The following PLXNA4 variants were observed in gnomAD, a reference collection of about 807,000 sequenced individuals.
The protein encoded by PLXNA4 is plexin-A4.
A neutral mutation model predicts 191.8 loss-of-function variants in PLXNA4; 44 were observed. That is an observed-to-expected ratio of 0.23 (90% CI 0.18 to 0.29). PLXNA4 has a LOEUF of 0.29. PLXNA4 is among the 10% of genes least tolerant of loss of function. PLXNA4 has a pLI of 1.00. For missense variants in PLXNA4, 1,800 were observed against 2,488.8 expected (o/e 0.72, Z 5.89); for synonymous variants, 1,082 against 1,009.5 (o/e 1.07, Z -1.36).
At chr7:132,186,372 C>T (rs1332125978) in intron 15 of PLXNA4, among the ~76,000 whole-genome samples, 1 of 152,170 alleles carries the variant, frequency 6.6e-6, no homozygotes, top group Non-Finnish European at 1.5e-5. Context: ...ATCTGACCCT[C>T]GTGAATGGGC....
At position 132,181,506 on chromosome 7, in the gene PLXNA4, C is replaced by T; in HGVS notation, c.3367G>A (p.Asp1123Asn). ...ERPEEFGFIL[D>N]NVQSLLILNK... ...AGGATGAGCAGGGACTGGACGTTGT[C>T]CAGGATGAAGCCAAACTCCTCGGGC... The change falls in exon 18 of 32, where the codon GAC becomes AAC. Residue 1123 changes from aspartate (D) to asparagine (N), a missense_variant. Physicochemically the swap from Asp to Asn is conservative, Grantham distance 23 (BLOSUM62 1). Transcript: ENST00000321063. 1 of 1,614,088 alleles carries T rather than the reference C, an allele frequency of 6.2e-7. No homozygotes were observed. Among genetic ancestry groups the T allele is most frequent in the Non-Finnish European group, 8.5e-7 (1 of 1,180,036 alleles).
In PLXNA4 at chr7:132,508,412, C is replaced by T. The variant is rs769822115; in HGVS notation, c.282G>A (p.Lys94=). 8.1e-6 allele frequency: 13 copies of T among 1,614,094 alleles called. No individual in the cohort carries two copies. The highest frequency in any genetic ancestry group is 4.5e-5 in the East Asian group (2 of 44,892). The change falls in exon 2 of 32, where the codon AAG becomes AAA. Residue 94 remains lysine, a synonymous_variant. Coordinates refer to ENST00000321063, the MANE Select transcript of PLXNA4 (RefSeq NM_020911.2). This position sits in a 1 kb window ranked among gnomAD's most constrained non-coding sequence, Gnocchi z 4.4. ...HETGPDEDNP[K]CYPPRIVQTC... is the part of the protein sequence containing the mutation. ...TCTGGACGATGCGGGGTGGGTAACA[C>T]TTGGGGTTGTCCTCGTCCGGCCCTG... is the stretch of plus-strand genomic sequence containing the variant.
intron 3 of PLXNA4, among the ~76,000 whole-genome samples, chr7:132,358,920 T>A (rs1375641473): frequency 1.3e-5 from 2 of 152,088 alleles, no homozygotes; most frequent in Non-Finnish European, 2.9e-5. Flanking sequence ...GCAGGCTACA[T>A]AAGGGGCACT....
In PLXNA4 at chr7:132,187,589, G is replaced by T. The variant is rs764897990; in HGVS notation, c.2875C>A (p.Leu959Met). The T allele has an allele frequency of 4.0e-5, 64 of 1,613,360 alleles. No individual in the cohort carries two copies. The highest frequency in any genetic ancestry group is 5.2e-5 in the Non-Finnish European group (61 of 1,179,710). Residue 959 changes from leucine (L) to methionine (M), a missense_variant, in exon 15 of 32, where the codon CTG becomes ATG. Physicochemically the swap from Leu to Met is conservative, Grantham distance 15. Transcript: ENST00000321063. ...YYFMTLTLSDLKPSRGPMSGG... is the reference protein window; with the variant it reads ...YYFMTLTLSDMKPSRGPMSGG... Reference sequence around the variant, plus strand: ...GACATGGGCCCCCGGCTGGGCTTCAGATCTGAGAGAGTCAGTGTCTGTGTA... The same window carrying T: ...GACATGGGCCCCCGGCTGGGCTTCATATCTGAGAGAGTCAGTGTCTGTGTA...
At chr7:132,330,229 G>A (rs908977005) in intron 3 of PLXNA4, among the ~76,000 whole-genome samples, 2 of 152,204 alleles carry the variant, frequency 1.3e-5, no homozygotes, top group African/African-American at 4.8e-5. Context: ...AATTTGGCTG[G>A]AGCTGAGTAG....
chr7:132,604,537 T>G (rs1802886924), intron 2 of PLXNA4, among the ~76,000 whole-genome samples: 1 of 152,136 alleles, frequency 6.6e-6, no homozygotes, highest in Non-Finnish European at 1.5e-5. Flanking sequence ...GTCTTAATAA[T>G]CTGGTAAACA....
intron 13 of PLXNA4, among the ~76,000 whole-genome samples, chr7:132,194,696 T>C (rs1584825592): frequency 6.6e-6 from 1 of 152,140 alleles, no homozygotes. Context: ...AGGGGATAAT[T>C]GAGTGTGTGT....
chr7:132,628,551 TG>T (rs1230558642), intron 2 of PLXNA4, among the ~76,000 whole-genome samples: 2 of 151,946 alleles, frequency 1.3e-5, no homozygotes, highest in Non-Finnish European at 2.9e-5. Flanking sequence ...TTTCTAAAAA[TG>T]TCCTCTCTCT....
At chr7:132,599,746 G>A (rs764046800) in intron 2 of PLXNA4, among the ~76,000 whole-genome samples, 2 of 150,942 alleles carry the variant, frequency 1.3e-5, no homozygotes, top group Non-Finnish European at 2.9e-5. Context: ...CACTGATAAC[G>A]GCCGTCTTAT....
chr7:132,332,340 C>T (rs1802620940), intron 3 of PLXNA4, among the ~76,000 whole-genome samples: 1 of 152,190 alleles, frequency 6.6e-6, no homozygotes, highest in African/African-American at 2.4e-5. Context: ...TCTTCTCCCC[C>T]ACTGTCCTTT....
intron 3 of PLXNA4, among the ~76,000 whole-genome samples, chr7:132,427,048 T>C (rs954397499): frequency 4.6e-5 from 7 of 152,152 alleles, no homozygotes; most frequent in Admixed American, 4.6e-4. Context: ...TCCCCAGAAC[T>C]AGTCAGTGAC....
At chr7:132,188,887 C>G (rs1796965658) in intron 14 of PLXNA4, among the ~76,000 whole-genome samples, 1 of 150,044 alleles carries the variant, frequency 6.7e-6, no homozygotes, top group Non-Finnish European at 1.5e-5. Context: ...TGTTCTGTAA[C>G]TTGCAGTACC....
At chr7:132,281,078 C>T (rs985706615) in intron 4 of PLXNA4, among the ~76,000 whole-genome samples, 1 of 152,108 alleles carries the variant, frequency 6.6e-6, no homozygotes, top group African/African-American at 2.4e-5. Flanking sequence ...AAACATTTTA[C>T]TATCACCAAG....
chr7:132,436,995 C>T (rs111549049), intron 3 of PLXNA4, among the ~76,000 whole-genome samples: 1,682 of 152,280 alleles, frequency 0.011, 18 homozygotes, highest in Middle Eastern at 0.024. Context: ...TGCTGCAATG[C>T]CCTACAGATG....
chr7:132,204,161 G>T (rs1413821136), intron 10 of PLXNA4, among the ~76,000 whole-genome samples: 1 of 152,202 alleles, frequency 6.6e-6, no homozygotes, highest in Non-Finnish European at 1.5e-5. Flanking sequence ...GTCCTCGGAG[G>T]GCTCCTCAGG....
Position 132,455,079 on chromosome 7 carries a change from C to T in PLXNA4, c.1371+34213G>A, listed in dbSNP as rs576080265. Among the ~76,000 whole-genome samples the T allele has an allele frequency of 7.3e-4, 111 of 152,286 alleles. 1 individual carries two copies. Among genetic ancestry groups the T allele is most frequent in the Non-Finnish European group, 1.4e-3 (95 of 68,034 alleles). On this transcript the variant is annotated intron_variant, in intron 3 of 31. Coordinates refer to ENST00000321063, the MANE Select transcript of PLXNA4 (RefSeq NM_020911.2). ...CACCCTGACTGAGGAGGTTGGGAGA[C>T]GTCTGGGAAACAGGCAGCCCCGGCT...
At chr7:132,423,395 C>G (rs1794919706) in intron 3 of PLXNA4, among the ~76,000 whole-genome samples, 1 of 152,190 alleles carries the variant, frequency 6.6e-6, no homozygotes, top group African/African-American at 2.4e-5. Flanking sequence ...TTCTGTCCTC[C>G]CTCAGGGCTC....
chr7:132,258,825 C>T (rs546314459), intron 4 of PLXNA4, among the ~76,000 whole-genome samples: 1 of 152,292 alleles, frequency 6.6e-6, no homozygotes, highest in Non-Finnish European at 1.5e-5. Flanking sequence ...ACTTAGTTGC[C>T]TAATCCAAAC....
At chr7:132,563,443 T>C (rs574216051) in intron 1 of PLXNA4, among the ~76,000 whole-genome samples, 1 of 90,024 alleles carries the variant, frequency 1.1e-5, no homozygotes, top group Non-Finnish European at 2.1e-5. Context: ...CTCCTCCTCT[T>C]CCTCCTCCTC....
Sources: gnomAD v4.1 joint callset for allele counts (sites outside exome capture counted in the v4.1 genomes callset) on GRCh38, gnomAD v4.1.1 for gene constraint, Gnocchi (gnomAD v3.1) non-coding constraint, MANE v1.5 for transcripts, NCBI Gene and HGNC (gene_info 2026-07-23, HGNC 2026-07-21) for gene names.